The following UPRT variants were observed in gnomAD, a reference collection of about 807,000 sequenced individuals.
UPRT encodes uracil phosphoribosyltransferase homolog.
A neutral mutation model predicts 22.6 loss-of-function variants in UPRT; 5 were observed. The observed-to-expected ratio is 0.22, with a 90% confidence interval of 0.12 to 0.47. The LOEUF is 0.47. Among genes scored for constraint, UPRT ranks in the 20% least tolerant of loss-of-function variants. The probability of loss-of-function intolerance (pLI) is 0.99; values close to 1 mark genes in which losing one functional copy is unlikely to be tolerated. For missense variants in UPRT, 181 were observed against 239.9 expected (o/e 0.75, Z 1.62); for synonymous variants, 77 against 87.7 (o/e 0.88, Z 0.68).
chrX:75,297,618 A>G (rs768705635), intron 4 of UPRT, 65 bp downstream of exon 4: 7 of 1,118,157 alleles, frequency 6.3e-6, no homozygotes, highest in Admixed American at 2.2e-5. Context: ...GTTTTCCAGA[A>G]GAGAGGCAGG....
chrX:75,221,908 G>C (rs1466760029), intron 4 of UPRT, among the ~76,000 whole-genome samples: 2 of 111,499 alleles, frequency 1.8e-5, no homozygotes, highest in Non-Finnish European at 3.8e-5. Flanking sequence ...GACACTGAGT[G>C]GTTAGGTATT....
At chrX:75,231,845 T>G (rs956810442) in intron 4 of UPRT, among the ~76,000 whole-genome samples, 4 of 112,251 alleles carry the variant, frequency 3.6e-5, no homozygotes, top group African/African-American at 1.3e-4. Flanking sequence ...TGAAATTAAG[T>G]TTCATAAATG....
At position 75,300,983 on chromosome X, in the gene UPRT, C is replaced by T; in HGVS notation, c.823+18C>T. 1 of 1,128,696 alleles carries T rather than the reference C, an allele frequency of 8.9e-7. No homozygotes were observed. Among genetic ancestry groups the T allele is most frequent in the Non-Finnish European group, 1.2e-6 (1 of 826,186 alleles). 93.0% of individuals were successfully genotyped at this position (1,128,696 alleles called of 1,213,427 possible). ...TCCTCATGGTGAGTTCAGCATGAGG[C>T]AGTAACTAGGGCTCCATATAGTCCT... On this transcript the variant is annotated intron_variant, in intron 6 of 6. Coordinates refer to ENST00000373383, the MANE Select transcript of UPRT (RefSeq NM_145052.4).
chrX:75,250,094 C>T (rs1001715408), intron 4 of UPRT, among the ~76,000 whole-genome samples: 1 of 111,845 alleles, frequency 8.9e-6, no homozygotes, highest in African/African-American at 3.3e-5. Context: ...ACTAAATGCT[C>T]ACAACAGAAA....
At chrX:75,185,139 A>C (rs2082285413) in intron 4 of UPRT, among the ~76,000 whole-genome samples, 2 of 111,932 alleles carry the variant, frequency 1.8e-5, no homozygotes, top group African/African-American at 3.3e-5. Flanking sequence ...CCCATTCAGT[A>C]TGATATTGGC....
chrX:75,232,662 G>A (rs1489584360), intron 4 of UPRT, among the ~76,000 whole-genome samples: 2 of 111,998 alleles, frequency 1.8e-5, no homozygotes, highest in African/African-American at 3.2e-5. Context: ...GGAGACACTC[G>A]CCAGCAGGGG....
chrX:75,256,955 G>A (rs945416191), intron 4 of UPRT, among the ~76,000 whole-genome samples: 3 of 111,467 alleles, frequency 2.7e-5, no homozygotes, highest in East Asian at 2.8e-4. Flanking sequence ...AAAGAATTGC[G>A]ACCAATCCTA....
At chrX:75,210,829 A>G (rs956764605) in intron 4 of UPRT, among the ~76,000 whole-genome samples, 1 of 111,391 alleles carries the variant, frequency 9.0e-6, no homozygotes, top group African/African-American at 3.3e-5. Context: ...TAAGCAAAGC[A>G]TCTCACGTCA....
chrX:75,180,681 G>GTTTTTTTTTTTTGTTTTTTTTTTTTTTTT (rs2082266200), intron 4 of UPRT, among the ~76,000 whole-genome samples: 13 of 43,904 alleles, frequency 3.0e-4, no homozygotes, highest in African/African-American at 5.5e-4. Flanking sequence ...CCTTTTCTCT[G>GTTTTTTTTTTTTGTTTTTTTTTTTTTTTT]TTTTTTTTTT....
intron 4 of UPRT, among the ~76,000 whole-genome samples, chrX:75,205,576 C>G (rs1033878712): frequency 1.8e-5 from 2 of 110,544 alleles, no homozygotes; most frequent in African/African-American, 6.6e-5. Context: ...CTCTTTTTAG[C>G]TTGGAATGGT....
intron 4 of UPRT, among the ~76,000 whole-genome samples, chrX:75,259,469 G>A (rs1193965835): frequency 9.3e-6 from 1 of 107,793 alleles, no homozygotes; most frequent in Non-Finnish European, 1.9e-5. Flanking sequence ...GCATACACGA[G>A]TATCAACAGC....
At position 75,176,565 on chromosome X, in the gene UPRT, C is replaced by T. The variant is rs1040435084; in HGVS notation, c.-447+8686C>T. ...TGTACCTGGGTTGGGCCAAATTCCC[C>T]TCCCCCTACAGCTTGAAGGGGACAT... On this transcript the variant is annotated intron_variant, in intron 4 of 13. Coordinates refer to the UPRT transcript ENST00000652605. Among the ~76,000 whole-genome samples the T allele has an allele frequency of 1.2e-4, 13 of 111,185 alleles. No homozygotes were observed. The Admixed American group carries it at 1.2e-3, about 11-fold the overall frequency.
intron 1 of UPRT, among the ~76,000 whole-genome samples, chrX:75,290,937 C>T (rs2082704495): frequency 9.0e-6 from 1 of 111,108 alleles, no homozygotes; most frequent in Admixed American, 9.6e-5. Context: ...CATGTACCCC[C>T]TGAATGTAAA....
intron 4 of UPRT, among the ~76,000 whole-genome samples, chrX:75,184,716 A>G (rs1463957790): frequency 9.2e-6 from 1 of 108,873 alleles, no homozygotes; most frequent in Non-Finnish European, 1.9e-5. Context: ...AGTGGTTTGT[A>G]GTTATCCTTG....
intron 4 of UPRT, among the ~76,000 whole-genome samples, chrX:75,201,947 C>A (rs1321667181): frequency 9.0e-6 from 1 of 111,373 alleles, no homozygotes; most frequent in Non-Finnish European, 1.9e-5. Context: ...TGCTCTCCAT[C>A]AGCTGTGATT....
At chrX:75,237,560 A>C (rs1490314887) in intron 4 of UPRT, among the ~76,000 whole-genome samples, 1 of 110,595 alleles carries the variant, frequency 9.0e-6, no homozygotes, top group Non-Finnish European at 1.9e-5. Context: ...AATGTCCAAC[A>C]ATGATAGACT....
At position 75,161,452 on chromosome X, in the gene UPRT, AT is replaced by A. The variant is rs1241100119; in HGVS notation, c.-615+785del. On this transcript the variant is annotated intron_variant, in intron 2 of 13. Transcript: ENST00000652605. The stretch of plus-strand genomic sequence containing the variant: ...TTTTTAACTTAATAAAAATTTAGAG[AT>A]TTTGGTAAACTTTAATGCTTAACCT... 2.7e-5 allele frequency among the ~76,000 whole-genome samples: 3 copies of A among 112,945 alleles called. No homozygotes were observed. The Admixed American group carries it at 2.8e-4, about 11-fold the overall frequency.
intron 4 of UPRT, among the ~76,000 whole-genome samples, chrX:75,250,763 G>T (rs2082526449): frequency 1.8e-5 from 2 of 111,450 alleles, no homozygotes; most frequent in Non-Finnish European, 3.8e-5. Context: ...AACAAAAAAA[G>T]AGAATTTTAG....
intron 4 of UPRT, among the ~76,000 whole-genome samples, chrX:75,171,636 G>C (rs959597478): frequency 1.4e-5 from 1 of 70,929 alleles, no homozygotes; most frequent in African/African-American, 4.4e-5. Context: ...TTTTTGGGGG[G>C]TGTTAAAGAA....
Sources: allele counts gnomAD v4.1 joint callset (sites outside exome capture counted in the v4.1 genomes callset), GRCh38; gene constraint gnomAD v4.1.1; transcripts MANE v1.5; gene names NCBI Gene and HGNC (gene_info 2026-07-23, HGNC 2026-07-21).